The following PPFIBP1 variants were observed in gnomAD, a reference collection of about 807,000 sequenced individuals.
The protein encoded by PPFIBP1 is liprin-beta-1.
A neutral mutation model predicts 137.8 loss-of-function variants in PPFIBP1; 112 were observed. The observed-to-expected ratio is 0.81, with a 90% CI of 0.70 to 0.95. The LOEUF (loss-of-function observed/expected upper bound fraction) is 0.95. Among genes scored for constraint, PPFIBP1 ranks in the 40% least tolerant of loss-of-function variants. The probability of loss-of-function intolerance (pLI) is 0.00; values close to 1 mark genes in which losing one functional copy is unlikely to be tolerated. For synonymous variants in PPFIBP1, 378 were observed against 417.3 expected, an observed-to-expected ratio of 0.91 and a Z score of 1.15; for missense variants, 1,083 against 1,196.6, an observed-to-expected ratio of 0.91 and a Z score of 1.40.
At chr12:27,582,596 G>A (rs972984290) in intron 2 of PPFIBP1, among the ~76,000 whole-genome samples, 15 of 152,254 alleles carry the variant, frequency 9.9e-5, no homozygotes, top group African/African-American at 3.1e-4. Context: ...GGGTTCCCTG[G>A]GTGTGGTCTG....
intron 22 of PPFIBP1, 121 bp from the exon 23 acceptor site, chr12:27,682,266 T>C (rs185515814): frequency 4.1e-6 from 3 of 727,690 alleles, no homozygotes; most frequent in African/African-American, 1.8e-5. Flanking sequence ...CAAGTTGGGA[T>C]TGTAATTCAG....
At chr12:27,634,416 A>G (rs1291649498) in intron 3 of PPFIBP1, among the ~76,000 whole-genome samples, 6 of 152,076 alleles carry the variant, frequency 3.9e-5, no homozygotes, top group Non-Finnish European at 8.8e-5. Flanking sequence ...GAAATGTCCT[A>G]TGGGCACACC....
chr12:27,628,042 T>C (rs1194535966), intron 2 of PPFIBP1, among the ~76,000 whole-genome samples: 1 of 152,110 alleles, frequency 6.6e-6, no homozygotes, highest in Non-Finnish European at 1.5e-5. Flanking sequence ...CACTCCTTTG[T>C]TGTGGTAGTG....
At chr12:27,583,163 T>C (rs970887736) in intron 2 of PPFIBP1, among the ~76,000 whole-genome samples, 5 of 152,238 alleles carry the variant, frequency 3.3e-5, no homozygotes, top group Non-Finnish European at 7.3e-5. Context: ...TCCTCCTTGC[T>C]TTGGCCTCTC....
Position 27,679,625 on chromosome 12 carries a change from G to A in PPFIBP1, c.1752G>A (p.Met584Ile). ...CCAAAAAGAAATCCAGAGGTATCAT[G>A]AAACTCTTTGGAAAGTAAGTAAAGC... is the stretch of plus-strand genomic sequence containing the variant. ...PDSKKKSRGI[M>I]KLFGKLRRSQ... The change falls in exon 20 of 30, where the codon ATG (methionine) becomes ATA (isoleucine). Residue 584 changes from methionine (M) to isoleucine (I), a missense_variant. Transcript: ENST00000228425. 1 of 1,613,804 alleles carries A rather than the reference G, an allele frequency of 6.2e-7. No homozygotes were observed. Among genetic ancestry groups the A allele is most frequent in the Non-Finnish European group, 8.5e-7 (1 of 1,179,780 alleles).
chr12:27,592,559 C>A, intron 2 of PPFIBP1: 1 of 1,383,512 alleles, frequency 7.2e-7, no homozygotes, highest in Non-Finnish European at 1.0e-6. Context: ...CTCTTGGTGG[C>A]TTTCACAGGA....
chr12:27,635,500 A>G (rs767865027), intron 4 of PPFIBP1: 2 of 278,668 alleles, frequency 7.2e-6, no homozygotes, highest in Non-Finnish European at 1.4e-5. Flanking sequence ...AATGGAAAGC[A>G]TGATGAAAGA....
At chr12:27,647,578 C>A in intron 5 of PPFIBP1, 151 bp from the exon 6 acceptor site, 1 of 523,998 alleles carries the variant, frequency 1.9e-6, no homozygotes, top group Non-Finnish European at 3.4e-6. Flanking sequence ...TGTGAGGGAC[C>A]ACTGTCTTCT....
chr12:27,673,863 A>G, intron 16 of PPFIBP1, 36 bp downstream of exon 16: 1 of 1,538,710 alleles, frequency 6.5e-7, no homozygotes. Context: ...TTTGTCTGTT[A>G]TCCTGAGAAA....
At chr12:27,549,732 G>T (rs1002104029) in intron 1 of PPFIBP1, among the ~76,000 whole-genome samples, 1 of 152,178 alleles carries the variant, frequency 6.6e-6, no homozygotes, top group South Asian at 2.1e-4. Context: ...TCCTAGGAAA[G>T]TGGCAGTTCC....
At chr12:27,681,875 T>G (rs752165491) in intron 22 of PPFIBP1, among the ~76,000 whole-genome samples, 179 bp downstream of exon 22, 4 of 152,168 alleles carry the variant, frequency 2.6e-5, no homozygotes, top group Non-Finnish European at 4.4e-5. Flanking sequence ...GAGGACCTGG[T>G]CTTGATGATT....
intron 2 of PPFIBP1, among the ~76,000 whole-genome samples, chr12:27,604,081 A>C (rs2054273006): frequency 6.6e-6 from 1 of 152,172 alleles, no homozygotes; most frequent in South Asian, 2.1e-4. Flanking sequence ...GGGGACTATA[A>C]AGAAAAGTGG....
chr12:27,557,929 T>TATC (rs1297874067), intron 1 of PPFIBP1, among the ~76,000 whole-genome samples: 1 of 152,224 alleles, frequency 6.6e-6, no homozygotes, highest in Non-Finnish European at 1.5e-5. Context: ...TCTAGTTTTG[T>TATC]TTCCTGATAA....
chr12:27,634,162 T>A (rs949715356), intron 3 of PPFIBP1, among the ~76,000 whole-genome samples: 2 of 148,496 alleles, frequency 1.3e-5, no homozygotes, highest in Non-Finnish European at 1.5e-5. Context: ...TTTTTTTTTT[T>A]AAGAGAGGAA....
intron 1 of PPFIBP1, among the ~76,000 whole-genome samples, chr12:27,562,185 C>G (rs4350397): frequency 0.97 from 147,970 of 152,194 alleles, 72,053 homozygotes; most frequent in Non-Finnish European, 1. Context: ...GCTGTTCCTA[C>G]GCAGTGACTG....
chr12:27,604,454 A>G (rs2054305176), intron 2 of PPFIBP1, among the ~76,000 whole-genome samples: 1 of 152,212 alleles, frequency 6.6e-6, no homozygotes, highest in African/African-American at 2.4e-5. Flanking sequence ...GGCTATTCTC[A>G]TCAGTCATCA....
intron 1 of PPFIBP1, among the ~76,000 whole-genome samples, chr12:27,546,368 T>TA (rs1468509989): frequency 2.0e-5 from 3 of 152,218 alleles, no homozygotes; most frequent in East Asian, 1.9e-4. Flanking sequence ...TAAAATGCTG[T>TA]AAAAAATTAA....
chr12:27,546,828 A>T (rs1046342561), intron 1 of PPFIBP1, among the ~76,000 whole-genome samples: 1 of 152,116 alleles, frequency 6.6e-6, no homozygotes, highest in African/African-American at 2.4e-5. Context: ...AGCCTGGGCA[A>T]CATGGTGAAA....
chr12:27,543,872 C>T (rs554410615), intron 1 of PPFIBP1, among the ~76,000 whole-genome samples: 114 of 132,984 alleles, frequency 8.6e-4, no homozygotes, highest in African/African-American at 2.9e-3. Flanking sequence ...CCCCCCACCC[C>T]GCCCCTGCTT....
Sources: allele counts gnomAD v4.1 joint callset (sites outside exome capture counted in the v4.1 genomes callset), GRCh38; gene constraint gnomAD v4.1.1; transcripts MANE v1.5; gene names NCBI Gene and HGNC (gene_info 2026-07-23, HGNC 2026-07-21).